The following DPH6 variants were observed in gnomAD, a reference collection of about 807,000 sequenced individuals.
DPH6 encodes the protein diphthine--ammonia ligase.
Under a neutral mutation model 38.2 loss-of-function variants are expected in DPH6, and 33 were observed. The ratio of observed to expected loss-of-function variants is 0.86; its 90% CI spans 0.65 to 1.15. The LOEUF (loss-of-function observed/expected upper bound fraction) is 1.15. Among genes scored for constraint, DPH6 ranks in the 50% most tolerant of loss-of-function variants. The probability of loss-of-function intolerance (pLI) is 0.00; values close to 1 mark genes in which losing one functional copy is unlikely to be tolerated. For missense variants in DPH6, 325 were observed against 320.0 expected (o/e 1.02, Z -0.12); for synonymous variants, 108 against 103.0 (o/e 1.05, Z -0.30).
At chr15:35,376,873 T>C (rs942385504) in intron 7 of DPH6, among the ~76,000 whole-genome samples, 6 of 152,196 alleles carry the variant, frequency 3.9e-5, no homozygotes, top group Non-Finnish European at 7.3e-5. Flanking sequence ...ATAAGTATAC[T>C]CTGGTGCTTG....
chr15:35,411,583 A>G (rs2053367693), intron 5 of DPH6, among the ~76,000 whole-genome samples: 1 of 151,724 alleles, frequency 6.6e-6, no homozygotes, highest in South Asian at 2.1e-4. Context: ...TGTGGGAGAC[A>G]AGTGTGAGCA....
chr15:35,303,867 T>A (rs1251448744), intron 3 of DPH6, among the ~76,000 whole-genome samples: 5 of 151,986 alleles, frequency 3.3e-5, no homozygotes, highest in African/African-American at 9.7e-5. Context: ...CTAATCATTT[T>A]TTTTTCATTT....
Position 35,454,771 on chromosome 15 carries a change from T to TA in DPH6, c.361dup (p.Tyr121LeufsTer11). 2 of 1,609,736 alleles carry TA rather than the reference T, an allele frequency of 1.2e-6. No homozygotes were observed. The highest frequency in any genetic ancestry group is 1.7e-6 in the Non-Finnish European group (2 of 1,178,344). ...CACATTTTCCACTCGAATACGCTGA[T>TA]AGTCAGAAAGTATAGCACCTACTGA... On this transcript the variant is annotated frameshift_variant, in exon 4 of 9. Coordinates refer to ENST00000256538, the MANE Select transcript of DPH6 (RefSeq NM_080650.4). LOFTEE classifies it high-confidence loss of function.
chr15:35,278,082 C>G (rs894129706), intron 3 of DPH6, among the ~76,000 whole-genome samples: 49 of 152,184 alleles, frequency 3.2e-4, no homozygotes, highest in African/African-American at 1.2e-3. Flanking sequence ...ATGCTAATAT[C>G]CGAGACAATG....
intron 3 of DPH6, among the ~76,000 whole-genome samples, chr15:35,515,577 C>T (rs1209344926): frequency 1.3e-5 from 2 of 151,856 alleles, no homozygotes; most frequent in East Asian, 1.9e-4. Flanking sequence ...AAAAATTAGC[C>T]GGGCACGGTG....
At chr15:35,249,951 C>G (rs956897167) in intron 3 of DPH6, among the ~76,000 whole-genome samples, 2 of 151,834 alleles carry the variant, frequency 1.3e-5, no homozygotes, top group Admixed American at 6.6e-5. Flanking sequence ...ATCACGAGGT[C>G]AGGAGATCGA....
chr15:35,524,064 C>G (rs1329614486), intron 3 of DPH6, among the ~76,000 whole-genome samples: 1 of 151,596 alleles, frequency 6.6e-6, no homozygotes, highest in African/African-American at 2.4e-5. Flanking sequence ...GCTTCTCAAA[C>G]TGTGTTATAA....
chr15:35,180,722 A>G, the DPH6 span, among the ~76,000 whole-genome samples: 1 of 152,124 alleles, frequency 6.6e-6, no homozygotes, highest in Non-Finnish European at 1.5e-5. Context: ...TCCTGGACTC[A>G]AGAGATCCTC....
At chr15:35,439,978 A>G (rs1449824514) in intron 5 of DPH6, among the ~76,000 whole-genome samples, 1 of 152,234 alleles carries the variant, frequency 6.6e-6, no homozygotes, top group African/African-American at 2.4e-5. Flanking sequence ...TGAGGACTGG[A>G]GAGAAATTAT....
chr15:35,315,391 T>C (rs1279775808), intron 3 of DPH6, among the ~76,000 whole-genome samples: 1 of 152,332 alleles, frequency 6.6e-6, no homozygotes. Context: ...ATGTGTTGAT[T>C]GTAATGGTTC....
At chr15:35,211,888 T>C in the DPH6 span, among the ~76,000 whole-genome samples, 3 of 152,192 alleles carry the variant, frequency 2.0e-5, no homozygotes, top group African/African-American at 7.2e-5. Context: ...AGGGATTACC[T>C]GCCCAACACT....
chr15:35,386,565 T>C (rs1379533516), intron 6 of DPH6, among the ~76,000 whole-genome samples: 3 of 152,172 alleles, frequency 2.0e-5, no homozygotes, highest in Non-Finnish European at 4.4e-5. Flanking sequence ...TATCTCATTG[T>C]GGTTTTGATT....
chr15:35,376,315 G>C (rs956187872), intron 7 of DPH6, among the ~76,000 whole-genome samples: 2 of 152,086 alleles, frequency 1.3e-5, no homozygotes, highest in Non-Finnish European at 2.9e-5. Context: ...ACACTAATTA[G>C]TGAAACTATT....
chr15:35,544,114 A>G (rs1401312796), intron 1 of DPH6, among the ~76,000 whole-genome samples: 1 of 152,192 alleles, frequency 6.6e-6, no homozygotes, highest in East Asian at 1.9e-4. Context: ...GTACACATGT[A>G]TGTTAGGTGA....
At chr15:35,379,762 A>G (rs1048888387) in intron 7 of DPH6, among the ~76,000 whole-genome samples, 1 of 152,192 alleles carries the variant, frequency 6.6e-6, no homozygotes, top group Non-Finnish European at 1.5e-5. Context: ...ACATAAAAGT[A>G]TGTGAAATAC....
chr15:35,423,850 G>A lies in DPH6; in HGVS notation c.506-12954C>T, dbSNP rs551992516. Among the ~76,000 whole-genome samples, 40 of 151,668 alleles carry A rather than the reference G, an allele frequency of 2.6e-4. No homozygotes were observed. The South Asian group carries it at 8.3e-3, about 31-fold the overall frequency. ...ACTATCCATTCCCATTGTATGTTTT[G>A]GCACCCCTGTGGAAGATCAGTTGAC... On this transcript the variant is annotated intron_variant, in intron 5 of 8. Coordinates refer to ENST00000256538, the MANE Select transcript of DPH6 (RefSeq NM_080650.4).
the DPH6 span, among the ~76,000 whole-genome samples, chr15:35,198,715 A>G: frequency 6.6e-6 from 1 of 152,226 alleles, no homozygotes; most frequent in African/African-American, 2.4e-5. Context: ...ATAGTGTAAC[A>G]GGCCCAAAAG....
intron 3 of DPH6, among the ~76,000 whole-genome samples, chr15:35,336,518 T>G (rs887729623): frequency 6.6e-6 from 1 of 152,204 alleles, no homozygotes; most frequent in Admixed American, 6.6e-5. Context: ...TTTTCAGCTG[T>G]GTGCCAGTTT....
At chr15:35,205,232 G>A in the DPH6 span, among the ~76,000 whole-genome samples, 4 of 151,614 alleles carry the variant, frequency 2.6e-5, no homozygotes, top group Admixed American at 6.6e-5. Context: ...GTTTATTATT[G>A]GTCCTGAGAG....
Sources: gnomAD v4.1 joint callset for allele counts (sites outside exome capture counted in the v4.1 genomes callset) on GRCh38, gnomAD v4.1.1 for gene constraint, MANE v1.5 for transcripts, NCBI Gene and HGNC (gene_info 2026-07-23, HGNC 2026-07-21) for gene names.